The following GRID1 variants were observed in gnomAD, a reference collection of about 807,000 sequenced individuals.
GRID1 encodes the protein glutamate receptor ionotropic, delta-1.
In GRID1, 28 loss-of-function variants were observed where a neutral mutation model predicts 98.0. That is an observed-to-expected ratio of 0.29 (90% CI 0.21 to 0.39). The LOEUF is 0.39. GRID1 is among the 10% of genes least tolerant of loss of function. The pLI is 1.00. For missense variants in GRID1, 1,111 were observed against 1,340.5 expected, an observed-to-expected ratio of 0.83 and a Z score of 2.67; for synonymous variants, 553 against 538.5, an observed-to-expected ratio of 1.03 and a Z score of -0.37.
intron 5 of GRID1, among the ~76,000 whole-genome samples, chr10:85,896,360 G>A (rs17310265): frequency 6.6e-6 from 1 of 152,038 alleles, no homozygotes; most frequent in Non-Finnish European, 1.5e-5. Flanking sequence ...AGTTAGAGCT[G>A]GGCTGGTTCA....
intron 2 of GRID1, among the ~76,000 whole-genome samples, chr10:86,301,306 A>G (rs1050438911): frequency 1.4e-4 from 21 of 152,350 alleles, no homozygotes; most frequent in Non-Finnish European, 1.8e-4. Flanking sequence ...CTGAAGAAAC[A>G]TCAAAAATCA....
At chr10:85,734,414 GA>G (rs986138098) in intron 8 of GRID1, among the ~76,000 whole-genome samples, 1 of 151,802 alleles carries the variant, frequency 6.6e-6, no homozygotes, top group Admixed American at 6.6e-5. Context: ...TTTCATGAAG[GA>G]AAAAAAATTC....
chr10:85,957,982 C>T (rs753757472), intron 4 of GRID1, among the ~76,000 whole-genome samples: 10 of 152,144 alleles, frequency 6.6e-5, no homozygotes, highest in African/African-American at 2.2e-4. Flanking sequence ...GAATGGAACA[C>T]GTGAAACTCC....
intron 3 of GRID1, among the ~76,000 whole-genome samples, chr10:86,177,514 C>CA (rs1195745066): frequency 6.6e-6 from 1 of 151,758 alleles, no homozygotes; most frequent in Admixed American, 6.6e-5. Context: ...ATGAGAGAGA[C>CA]AGAGATTTTG....
At chr10:85,947,460 G>T (rs370074252) in intron 4 of GRID1, among the ~76,000 whole-genome samples, 9 of 152,212 alleles carry the variant, frequency 5.9e-5, no homozygotes, top group African/African-American at 2.2e-4. Flanking sequence ...TGTAGAGCAC[G>T]TATGAGCAAG....
chr10:85,902,836 C>T (rs1342087553), intron 5 of GRID1, among the ~76,000 whole-genome samples: 1 of 152,172 alleles, frequency 6.6e-6, no homozygotes, highest in Non-Finnish European at 1.5e-5. Flanking sequence ...GGCAGCATCA[C>T]CAGACATCAT....
At chr10:85,839,641 T>C (rs1387809044) in intron 8 of GRID1, among the ~76,000 whole-genome samples, 2 of 152,196 alleles carry the variant, frequency 1.3e-5, no homozygotes, top group Admixed American at 6.5e-5. Context: ...GTGAAATTTA[T>C]AGCACTAAAT....
At chr10:86,102,098 G>A (rs761591478) in intron 4 of GRID1, among the ~76,000 whole-genome samples, 5 of 152,242 alleles carry the variant, frequency 3.3e-5, no homozygotes, top group Non-Finnish European at 7.3e-5. Context: ...CAGGAAGTGT[G>A]TTCGCCCTGC....
chr10:86,281,165 G>GT (rs1213615409), intron 2 of GRID1, among the ~76,000 whole-genome samples: 2 of 152,212 alleles, frequency 1.3e-5, no homozygotes, highest in Non-Finnish European at 2.9e-5. Context: ...GAAACCATTG[G>GT]TAAGTGTTGG....
chr10:85,640,013 T>A lies in GRID1; in HGVS notation c.2193+7189A>T, dbSNP rs544101990. ...TATACATTGGTATACTTGCAACTAA[T>A]CTGGACAGACCTTCCGCAAGTATCA... On this transcript the variant is annotated intron_variant, in intron 13 of 15. Transcript: ENST00000327946. Among the ~76,000 whole-genome samples the A allele has an allele frequency of 2.0e-5, 3 of 152,354 alleles. No homozygotes were observed. In the South Asian group the frequency reaches 6.2e-4, roughly 32 times the overall value.
intron 12 of GRID1, among the ~76,000 whole-genome samples, chr10:85,705,433 C>T (rs532129836): frequency 6.6e-6 from 1 of 152,100 alleles, no homozygotes; most frequent in African/African-American, 2.4e-5. Flanking sequence ...CTGAATAGAC[C>T]AATAACAGCC....
intron 2 of GRID1, among the ~76,000 whole-genome samples, chr10:86,328,388 A>C (rs1848083796): frequency 1.3e-5 from 2 of 152,350 alleles, no homozygotes; most frequent in Admixed American, 1.3e-4. Flanking sequence ...TGACATTTAA[A>C]GAAATAAAAG....
intron 12 of GRID1, among the ~76,000 whole-genome samples, chr10:85,677,294 C>T (rs1322449534): frequency 1.3e-5 from 2 of 152,188 alleles, no homozygotes; most frequent in South Asian, 2.1e-4. Flanking sequence ...CAATAATGCA[C>T]ACCCAGCCAG....
chr10:85,842,444 A>C lies in GRID1; in HGVS notation c.1233+12052T>G, dbSNP rs1458190341. Among the ~76,000 whole-genome samples the C allele has an allele frequency of 5.3e-5, 8 of 152,150 alleles. No homozygotes were observed. The South Asian group carries it at 1.2e-3, about 24-fold the overall frequency. On this transcript the variant is annotated intron_variant, in intron 8 of 15. Transcript: ENST00000327946. ...ACACATTTACGTATGTAACAAGCCT[A>C]AACATGTATTCCTGAACTTAAAATA...
intron 4 of GRID1, among the ~76,000 whole-genome samples, chr10:86,137,077 A>C (rs1844938223): frequency 6.6e-6 from 1 of 152,162 alleles, no homozygotes; most frequent in African/African-American, 2.4e-5. Context: ...CAGCGAATCC[A>C]CCACTGCAGG....
At chr10:86,041,238 G>A (rs976882947) in intron 4 of GRID1, among the ~76,000 whole-genome samples, 1 of 152,224 alleles carries the variant, frequency 6.6e-6, no homozygotes, top group Non-Finnish European at 1.5e-5. Flanking sequence ...CCAACCCAGG[G>A]TGTGAGTGGT....
intron 8 of GRID1, among the ~76,000 whole-genome samples, chr10:85,818,351 T>TAGACAGAC (rs71016110): frequency 1.7e-4 from 26 of 151,694 alleles, no homozygotes; most frequent in Non-Finnish European, 2.9e-4. Context: ...AATGGATAGA[T>TAGACAGAC]AGACAGACAG....
intron 8 of GRID1, among the ~76,000 whole-genome samples, chr10:85,774,059 A>C (rs554681310): frequency 6.6e-6 from 1 of 152,330 alleles, no homozygotes; most frequent in African/African-American, 2.4e-5. Context: ...GCATCACGCT[A>C]TCTGACTTCA....
chr10:86,083,191 C>T (rs998991195), intron 4 of GRID1, among the ~76,000 whole-genome samples: 1 of 152,218 alleles, frequency 6.6e-6, no homozygotes, highest in Non-Finnish European at 1.5e-5. Flanking sequence ...TCCCCTTGAA[C>T]ATTATATTCT....
Sources: gnomAD v4.1 joint callset for allele counts (sites outside exome capture counted in the v4.1 genomes callset) on GRCh38, gnomAD v4.1.1 for gene constraint, MANE v1.5 for transcripts, NCBI Gene and HGNC (gene_info 2026-07-23, HGNC 2026-07-21) for gene names.